The following RAD50 variants were observed in gnomAD, a reference collection of about 807,000 sequenced individuals.
RAD50 encodes RAD50 double strand break repair protein.
A neutral mutation model predicts 168.8 loss-of-function variants in RAD50; 132 were observed. That is an observed-to-expected ratio of 0.78 (90% CI 0.68 to 0.90). The LOEUF is 0.90. RAD50 is among the 40% of genes least tolerant of loss of function. The pLI, the probability that RAD50 is intolerant of heterozygous loss-of-function variation, is 0.00. For synonymous variants in RAD50, 525 were observed against 497.4 expected (o/e 1.06, Z -0.74); for missense variants, 1,347 against 1,534.4 (o/e 0.88, Z 2.04).
intron 13 of RAD50, among the ~76,000 whole-genome samples, chr5:132,597,578 G>A (rs578144712): frequency 6.6e-6 from 1 of 152,318 alleles, no homozygotes; most frequent in Non-Finnish European, 1.5e-5. Context: ...CATATGCCAA[G>A]GACCTGAGGC....
chr5:132,619,910 C>CTT (rs1268430961), intron 21 of RAD50, among the ~76,000 whole-genome samples: 1 of 117,782 alleles, frequency 8.5e-6, no homozygotes, highest in Non-Finnish European at 1.7e-5. Flanking sequence ...AGAGATATAT[C>CTT]TTTTTTTTTT....
At chr5:132,557,690 G>T (rs1750030821) in intron 1 of RAD50, among the ~76,000 whole-genome samples, 2 of 152,120 alleles carry the variant, frequency 1.3e-5, no homozygotes, top group Non-Finnish European at 2.9e-5. Context: ...AGAATCCCAC[G>T]ATACCGGGAG....
At chr5:132,597,206 G>C (rs1403745043) in intron 13 of RAD50, among the ~76,000 whole-genome samples, 2 of 152,168 alleles carry the variant, frequency 1.3e-5, no homozygotes, top group Non-Finnish European at 2.9e-5. Context: ...GAAAACCAAG[G>C]AGGAGTTTCA....
At chr5:132,601,804 AG>A (rs1334976790) in intron 13 of RAD50, among the ~76,000 whole-genome samples, 3 of 152,236 alleles carry the variant, frequency 2.0e-5, no homozygotes, top group Non-Finnish European at 4.4e-5. Context: ...GCCATATAAA[AG>A]GATGAGTTCA....
At chr5:132,589,082 A>G (rs1445924475) in intron 8 of RAD50, among the ~76,000 whole-genome samples, 1 of 152,220 alleles carries the variant, frequency 6.6e-6, no homozygotes, top group Non-Finnish European at 1.5e-5. Flanking sequence ...ATGTAAACCT[A>G]CATTTTTTAT....
chr5:132,619,839 T>TATATATATATATAAAG (rs58463746), intron 21 of RAD50, among the ~76,000 whole-genome samples: 2,132 of 115,940 alleles, frequency 0.018, 61 homozygotes, highest in East Asian at 0.14. Context: ...TCTCTCTCTA[T>TATATATATATATAAAG]ATATATATAT....
chr5:132,560,936 A>G (rs1750114705), intron 2 of RAD50, among the ~76,000 whole-genome samples: 3 of 151,892 alleles, frequency 2.0e-5, no homozygotes. Flanking sequence ...ATTGACTCCC[A>G]TTTTTCCCTC....
Position 132,579,984 on chromosome 5 carries a change from A to G in RAD50, c.674A>G (p.Asp225Gly), listed in dbSNP as rs1193687274. ...QYKEKACEIR[D>G]QITSKEAQLT... ...AAGGAAAAAGCTTGTGAGATTCGTG[A>G]TCAGATTACAAGTAAGGAAGCCCAG... is the stretch of plus-strand genomic sequence containing the variant. Residue 225 changes from aspartate (D) to glycine (G), a missense_variant, in exon 5 of 25, where the codon GAT becomes GGT. By Grantham distance (94) the Asp-to-Gly change is moderately conservative. Coordinates refer to ENST00000378823, the MANE Select transcript of RAD50 (RefSeq NM_005732.4). 1 of 1,613,252 alleles carries G rather than the reference A, an allele frequency of 6.2e-7. No homozygotes were observed. The highest frequency in any genetic ancestry group is 1.1e-5 in the South Asian group (1 of 91,060).
At chr5:132,639,288 G>A (rs1329950936) in intron 23 of RAD50, among the ~76,000 whole-genome samples, 1 of 149,864 alleles carries the variant, frequency 6.7e-6, no homozygotes, top group Non-Finnish European at 1.5e-5. Flanking sequence ...GGGAGGCGGA[G>A]GTTGCAGTGA....
chr5:132,586,084 C>CT (rs1750590583), intron 5 of RAD50, among the ~76,000 whole-genome samples: 1 of 152,076 alleles, frequency 6.6e-6, no homozygotes, highest in Non-Finnish European at 1.5e-5. Context: ...CAAAAATATT[C>CT]TTCAGTGTTT....
intron 21 of RAD50, among the ~76,000 whole-genome samples, chr5:132,625,465 T>C (rs1044040120): frequency 1.3e-5 from 2 of 152,216 alleles, no homozygotes; most frequent in African/African-American, 4.8e-5. Flanking sequence ...ACGTGAGATA[T>C]TTTGATGCAG....
rs1157731211 is a variant in RAD50, at chr5:132,644,154, A to G, written c.*1790A>G. On this transcript the variant is annotated 3_prime_UTR_variant, in exon 25 of 25. Coordinates refer to ENST00000378823, the MANE Select transcript of RAD50 (RefSeq NM_005732.4). ...ACACGATCAATATAGGCAGTGAAAC[A>G]AAAGTATCATTTGCAAGTTAAAACA... is the stretch of plus-strand genomic sequence containing the variant. 9 of 183,626 alleles carry G rather than the reference A, an allele frequency of 4.9e-5. No homozygotes were observed. In the East Asian group the frequency reaches 5.4e-4, roughly 11 times the overall value. 11.4% of individuals were successfully genotyped at this position (183,626 alleles called of 1,614,324 possible).
At chr5:132,618,373 T>A in intron 21 of RAD50, 79 bp downstream of exon 21, 1 of 1,553,218 alleles carries the variant, frequency 6.4e-7, no homozygotes, top group Non-Finnish European at 8.7e-7. Flanking sequence ...CTCATTTTTT[T>A]CTTTTTTTCT....
intron 14 of RAD50, 121 bp downstream of exon 14, chr5:132,603,610 C>G (rs1750927783): frequency 8.7e-7 from 1 of 1,149,916 alleles, no homozygotes; most frequent in Admixed American, 1.9e-5. Context: ...ATTCCCCATC[C>G]TGAATTTCAG....
At position 132,642,605 on chromosome 5, in the gene RAD50, T is replaced by C; in HGVS notation, c.*241T>C. The C allele has an allele frequency of 1.8e-6, 1 of 555,752 alleles. No homozygotes were observed. The highest frequency in any genetic ancestry group is 3.2e-6 in the Non-Finnish European group (1 of 313,106). 34.4% of individuals were successfully genotyped at this position (555,752 alleles called of 1,614,324 possible). ...CATTCCAGGCAGCCTCTGTCAGGCC[T>C]TCAGGGTTCAGCAGTACAGCCGAGA... On this transcript the variant is annotated 3_prime_UTR_variant, in exon 25 of 25. Coordinates refer to ENST00000378823, the MANE Select transcript of RAD50 (RefSeq NM_005732.4).
rs372598420 is a variant in RAD50 at position 132,563,391 on chromosome 5, G to T, written c.213+4024G>T. Among the ~76,000 whole-genome samples the T allele has an allele frequency of 2.6e-5, 4 of 152,230 alleles. No homozygotes were observed. The East Asian group carries it at 7.7e-4, about 29-fold the overall frequency. ...GATTATATGATTGGAAACTTTAGTG[G>T]TGAAAGAATGAGTAAGTTCTCTTTT... On this transcript the variant is annotated intron_variant, in intron 2 of 24. Coordinates refer to ENST00000378823, the MANE Select transcript of RAD50 (RefSeq NM_005732.4).
intron 1 of RAD50, among the ~76,000 whole-genome samples, chr5:132,558,029 G>C (rs1411871820): frequency 6.6e-6 from 1 of 150,674 alleles, no homozygotes; most frequent in Admixed American, 6.6e-5. Flanking sequence ...TTAAAGCCGT[G>C]GGAATATTTA....
chr5:132,568,997 G>A lies in RAD50; in HGVS notation c.214-6780G>A, dbSNP rs1007477893. On this transcript the variant is annotated intron_variant, in intron 2 of 24. Transcript: ENST00000378823. Reference sequence around the variant, plus strand: ...TAACTGCATGCCAGAACAAAGTTCAGTACTCATTAAAGGAATAAAACAAAA... The same window carrying A: ...TAACTGCATGCCAGAACAAAGTTCAATACTCATTAAAGGAATAAAACAAAA... Among the ~76,000 whole-genome samples, 54 of 152,108 alleles carry A rather than the reference G, an allele frequency of 3.6e-4. 1 individual carries two copies. Among genetic ancestry groups the A allele is most frequent in the Admixed American group, 1.9e-3 (29 of 15,262 alleles).
chr5:132,563,822 A>G (rs769904656), intron 2 of RAD50, among the ~76,000 whole-genome samples: 2 of 152,178 alleles, frequency 1.3e-5, no homozygotes, highest in Non-Finnish European at 2.9e-5. Context: ...TGATTGAATC[A>G]TGGAGGTGGA....
Sources: allele counts gnomAD v4.1 joint callset (sites outside exome capture counted in the v4.1 genomes callset), GRCh38; gene constraint gnomAD v4.1.1; transcripts MANE v1.5; gene names NCBI Gene and HGNC (gene_info 2026-07-23, HGNC 2026-07-21).